Variants in IL5RA observed in about 807,000 individuals in gnomAD.
IL5RA encodes the protein interleukin 5 receptor subunit alpha.
IL5RA carries 49 observed loss-of-function variants against 50.0 expected under a neutral mutation model. The observed-to-expected ratio is 0.98, with a 90% CI of 0.78 to 1.24. IL5RA has a LOEUF of 1.24. Among genes scored for constraint, IL5RA ranks in the 50% most tolerant of loss-of-function variants. The probability of loss-of-function intolerance (pLI) is 0.00; values close to 1 mark genes in which losing one functional copy is unlikely to be tolerated. For synonymous variants in IL5RA, 202 were observed against 174.0 expected (o/e 1.16, Z -1.26); for missense variants, 600 against 500.4 (o/e 1.20, Z -1.90).
At chr3:3,077,872 A>G (rs1702540975) in intron 9 of IL5RA, among the ~76,000 whole-genome samples, 1 of 152,306 alleles carries the variant, frequency 6.6e-6, no homozygotes, top group Non-Finnish European at 1.5e-5. Flanking sequence ...GAATAATGTA[A>G]ATCCTGTGTC....
chr3:3,085,074 C>T (rs1028474319), intron 9 of IL5RA, among the ~76,000 whole-genome samples: 14 of 152,320 alleles, frequency 9.2e-5, no homozygotes, highest in Middle Eastern at 3.4e-3. Flanking sequence ...TGACCACAGG[C>T]GTGAGGCAGT....
intron 9 of IL5RA, among the ~76,000 whole-genome samples, chr3:3,088,560 G>T (rs150200917): frequency 5.6e-4 from 86 of 152,306 alleles, no homozygotes; most frequent in African/African-American, 2.0e-3. Flanking sequence ...TGTTGGCAGA[G>T]CCGTAGCTAA....
intron 9 of IL5RA, chr3:3,091,744 A>AAAAC: frequency 6.4e-6 from 1 of 156,754 alleles, no homozygotes; most frequent in Non-Finnish European, 1.4e-5. Context: ...AAGAAACAAA[A>AAAAC]AAACAAACAA....
chr3:3,070,148 C>G lies in IL5RA; in HGVS notation c.*77G>C. On this transcript the variant is annotated 3_prime_UTR_variant, in exon 12 of 12. Coordinates refer to ENST00000446632, the MANE Select transcript of IL5RA (RefSeq NM_175726.4). Reference sequence around the variant, plus strand: ...GCCTAAATTCTGAACACCTCTTAGCCAAGAGCCAGCATCCCTGTTCTTTTC... The same window carrying G: ...GCCTAAATTCTGAACACCTCTTAGCGAAGAGCCAGCATCCCTGTTCTTTTC... 1.1e-6 allele frequency: 1 copy of G among 939,170 alleles called. No individual in the cohort carries two copies. Among genetic ancestry groups the G allele is most frequent in the Non-Finnish European group, 1.7e-6 (1 of 588,778 alleles). The allele number at this position is 939,170 out of a possible 1,614,324, so 58.2% of individuals were successfully genotyped here. A position where few individuals can be genotyped will look rare whatever the true frequency, so the allele number is the denominator to read the frequency against.
chr3:3,076,268 A>G (rs17878496), intron 10 of IL5RA, among the ~76,000 whole-genome samples: 2,094 of 152,316 alleles, frequency 0.014, 39 homozygotes, highest in African/African-American at 0.048. Flanking sequence ...CTTCACAGAA[A>G]TTAAAAGCTG....
Position 3,098,005 on chromosome 3 carries a change from T to C in IL5RA, c.574A>G (p.Arg192Gly), listed in dbSNP as rs755082811. Residue 192 changes from arginine to glycine, a missense_variant, in exon 7 of 12, where the codon AGA becomes GGA. Transcript: ENST00000446632. ...CTGGGAAACCAGCATGCGATATTTC[T>C]CCCCAGTGTGTCTTTGCTGTATTCT... is the stretch of plus-strand genomic sequence containing the variant. ...CQEYSKDTLGRNIACWFPRTF... is the reference protein window; with the variant it reads ...CQEYSKDTLGGNIACWFPRTF... 1.9e-6 allele frequency: 3 copies of C among 1,614,160 alleles called. No homozygotes were observed. The highest frequency in any genetic ancestry group is 2.5e-6 in the Non-Finnish European group (3 of 1,180,022).
At chr3:3,073,976 C>G in intron 11 of IL5RA, 1 of 260,344 alleles carries the variant, frequency 3.8e-6, no homozygotes, top group Non-Finnish European at 7.6e-6. Flanking sequence ...TCAGATAGTC[C>G]AGAAATAGAA....
intron 11 of IL5RA, among the ~76,000 whole-genome samples, chr3:3,073,337 CTGTT>C (rs141879974): frequency 0.031 from 4,655 of 152,242 alleles, 102 homozygotes; most frequent in Middle Eastern, 0.054. Context: ...GCTAAGAAAA[CTGTT>C]TGATCTAAAT....
rs1703154093 is a variant in IL5RA at position 3,092,262 on chromosome 3, G to A, written c.956C>T (p.Ala319Val). The change falls in exon 9 of 12, where the codon GCA becomes GTA. Residue 319 changes from alanine to valine, a missense_variant. Ala to Val is a moderately conservative substitution (Grantham distance 64, BLOSUM62 0). Coordinates refer to ENST00000446632, the MANE Select transcript of IL5RA (RefSeq NM_175726.4). This position sits in a 1 kb window ranked among gnomAD's most constrained non-coding sequence, Gnocchi z 4.2. ...TTGGCTCCACTCACTCCAGAGCCCT[G>A]CCTCTCTGCACATGGAGCTCACTGC... is the stretch of plus-strand genomic sequence containing the variant. ...RAAVSSMCRE[A>V]GLWSEWSQPI... 6.2e-7 allele frequency: 1 copy of A among 1,614,086 alleles called. No homozygotes were observed. The highest frequency in any genetic ancestry group is 8.5e-7 in the Non-Finnish European group (1 of 1,180,010).
intron 9 of IL5RA, among the ~76,000 whole-genome samples, chr3:3,086,802 T>A (rs533742678): frequency 1.3e-5 from 2 of 152,284 alleles, no homozygotes; most frequent in South Asian, 2.1e-4. Context: ...TGCAAAGATA[T>A]GGAATCCACC....
At position 3,070,216 on chromosome 3, in the gene IL5RA, AAGTGAC is replaced by A; in HGVS notation, c.*3_*8del. 6.3e-7 allele frequency: 1 copy of A among 1,591,440 alleles called. No homozygotes were observed. Among genetic ancestry groups the A allele is most frequent in the Non-Finnish European group, 8.6e-7 (1 of 1,160,466 alleles). On this transcript the variant is annotated 3_prime_UTR_variant, in exon 12 of 12. Coordinates refer to ENST00000446632, the MANE Select transcript of IL5RA (RefSeq NM_175726.4). ...TGTGTGAGTTCATCAGAGGATGCCAAAGTGACAGTCAAAACACAGAATCCTCCAGGG... is the reference window on the plus strand; with the variant it reads ...TGTGTGAGTTCATCAGAGGATGCCAAAGTCAAAACACAGAATCCTCCAGGG...
intron 7 of IL5RA, among the ~76,000 whole-genome samples, chr3:3,095,717 C>G (rs112782582): frequency 1.6e-4 from 25 of 151,896 alleles, no homozygotes; most frequent in African/African-American, 1.2e-4. Context: ...TTACTTCCCC[C>G]CCTCAGCTCA....
At chr3:3,070,834 G>C (rs1042333852) in intron 11 of IL5RA, among the ~76,000 whole-genome samples, 2 of 151,878 alleles carry the variant, frequency 1.3e-5, no homozygotes, top group African/African-American at 4.8e-5. Flanking sequence ...CCCCGCCTCG[G>C]CCTCCCAAAA....
chr3:3,092,822 C>A lies in IL5RA; in HGVS notation c.856-460G>T, dbSNP rs899758180. Among the ~76,000 whole-genome samples, 1 of 152,192 alleles carries A rather than the reference C, an allele frequency of 6.6e-6. No homozygotes were observed. Among genetic ancestry groups the A allele is most frequent in the African/African-American group, 2.4e-5 (1 of 41,450 alleles). On this transcript the variant is annotated intron_variant, in intron 8 of 11. Transcript: ENST00000446632. The surrounding 1 kb of genome is among the most constrained non-coding windows in gnomAD (Gnocchi z 4.2). ...TTCTACTGATCATGGTCGCCACCAT[C>A]CAGCTAGTCCCCTGTACCAGAGATG...
intron 2 of IL5RA, among the ~76,000 whole-genome samples, chr3:3,106,831 G>T (rs1371148629): frequency 6.6e-6 from 1 of 152,082 alleles, no homozygotes; most frequent in Non-Finnish European, 1.5e-5. Context: ...TTCTAGGTCA[G>T]AAAAAACTGC....
intron 5 of IL5RA, among the ~76,000 whole-genome samples, chr3:3,100,057 C>G (rs563689191): frequency 6.6e-6 from 1 of 152,216 alleles, no homozygotes; most frequent in Non-Finnish European, 1.5e-5. Context: ...ATTTCAACCT[C>G]TCGTTGCTGT....
At chr3:3,107,668 A>G (rs1216704224) in intron 2 of IL5RA, among the ~76,000 whole-genome samples, 4 of 152,216 alleles carry the variant, frequency 2.6e-5, no homozygotes, top group African/African-American at 9.6e-5. Flanking sequence ...AATCTTTAAG[A>G]GAAATCATGA....
chr3:3,089,979 A>G (rs1017867675), intron 9 of IL5RA: 2 of 477,902 alleles, frequency 4.2e-6, no homozygotes, highest in South Asian at 4.9e-5. Context: ...CTGTCCCACC[A>G]TGCCAGAGTG....
intron 11 of IL5RA, among the ~76,000 whole-genome samples, chr3:3,070,577 T>A (rs1290661497): frequency 9.2e-6 from 1 of 109,064 alleles, no homozygotes; most frequent in Non-Finnish European, 1.8e-5. Context: ...ATACACATCT[T>A]TTTTTTTTTT....
Sources: gnomAD v4.1 joint callset for allele counts (sites outside exome capture counted in the v4.1 genomes callset) on GRCh38, gnomAD v4.1.1 for gene constraint, Gnocchi (gnomAD v3.1) non-coding constraint, MANE v1.5 for transcripts, NCBI Gene and HGNC (gene_info 2026-07-23, HGNC 2026-07-21) for gene names.